Variants in TMCC1 observed in about 807,000 individuals in gnomAD.
The protein encoded by TMCC1 is transmembrane and coiled-coil domains protein 1.
Under a neutral mutation model 52.4 loss-of-function variants are expected in TMCC1, and 15 were observed. The ratio of observed to expected loss-of-function variants is 0.29; its 90% CI spans 0.19 to 0.44. The LOEUF is 0.44. TMCC1 is among the 20% of genes least tolerant of loss of function. The probability of loss-of-function intolerance (pLI) is 1.00; values close to 1 mark genes in which losing one functional copy is unlikely to be tolerated. For synonymous variants in TMCC1, 279 were observed against 301.9 expected, an observed-to-expected ratio of 0.92 and a Z score of 0.79; for missense variants, 503 against 806.0, an observed-to-expected ratio of 0.62 and a Z score of 4.55.
At chr3:129,892,527 ATTTTTTT>A (rs548180033) in intron 1 of TMCC1, 2 of 147,902 alleles carry the variant, frequency 1.4e-5, no homozygotes, top group Non-Finnish European at 3.0e-5. Flanking sequence ...TATGCCCTGG[ATTTTTTT>A]TTTTTAAGAA....
At chr3:129,664,384 T>C (rs1030626159) in intron 5 of TMCC1, among the ~76,000 whole-genome samples, 2 of 152,226 alleles carry the variant, frequency 1.3e-5, no homozygotes, top group South Asian at 2.1e-4. Context: ...TTTGTTTAGT[T>C]AGAACTCTAA....
At chr3:129,840,728 G>T (rs1257232615) in intron 2 of TMCC1, among the ~76,000 whole-genome samples, 1 of 152,188 alleles carries the variant, frequency 6.6e-6, no homozygotes, top group Non-Finnish European at 1.5e-5. Flanking sequence ...TGCCATGTAA[G>T]ACATGCCTTT....
At chr3:129,885,214 G>C (rs867331836) in intron 1 of TMCC1, among the ~76,000 whole-genome samples, 7 of 152,026 alleles carry the variant, frequency 4.6e-5, no homozygotes, top group Non-Finnish European at 7.4e-5. Flanking sequence ...ACAACAATAG[G>C]TTTCAATGAA....
chr3:129,805,870 T>C (rs2057432256), intron 4 of TMCC1, among the ~76,000 whole-genome samples: 1 of 152,010 alleles, frequency 6.6e-6, no homozygotes, highest in African/African-American at 2.4e-5. Flanking sequence ...AGTTTAAGAC[T>C]GTAGTGAGCT....
chr3:129,796,748 G>A (rs1265824036), intron 4 of TMCC1, among the ~76,000 whole-genome samples: 1 of 152,196 alleles, frequency 6.6e-6, no homozygotes, highest in African/African-American at 2.4e-5. Flanking sequence ...GACTGAGGTG[G>A]CAGGATTGCC....
chr3:129,828,061 C>T lies in TMCC1; in HGVS notation c.318G>A (p.Leu106=), dbSNP rs2058735336. ...PTHPTALNRV[L]QQIRVPPKMK... is the part of the protein sequence containing the mutation. ...TCTTGGGTGGCACTCGAATCTGCTG[C>T]AGGACACGATTCAGAGCTGTGGGGT... is the stretch of plus-strand genomic sequence containing the variant. The change falls in exon 4 of 7, where the codon CTG becomes CTA. Residue 106 remains leucine, a synonymous_variant. Transcript: ENST00000393238. This position sits in a 1 kb window ranked among gnomAD's most constrained non-coding sequence, Gnocchi z 4.1. 3.7e-6 allele frequency: 6 copies of T among 1,614,140 alleles called. No individual in the cohort carries two copies. Among genetic ancestry groups the T allele is most frequent in the Non-Finnish European group, 5.1e-6 (6 of 1,180,024 alleles).
chr3:129,808,482 A>AAAT (rs556320460), intron 4 of TMCC1, among the ~76,000 whole-genome samples: 3,140 of 150,938 alleles, frequency 0.021, 85 homozygotes, highest in African/African-American at 0.069. Flanking sequence ...ACTCCATCTC[A>AAAT]AATAATAATA....
intron 4 of TMCC1, among the ~76,000 whole-genome samples, chr3:129,772,106 C>T (rs750280972): frequency 3.9e-5 from 6 of 152,158 alleles, no homozygotes; most frequent in African/African-American, 7.2e-5. Context: ...CACCTGTAAT[C>T]CCACCACTTT....
At chr3:129,737,542 C>T (rs1318243882) in intron 4 of TMCC1, among the ~76,000 whole-genome samples, 1 of 151,968 alleles carries the variant, frequency 6.6e-6, no homozygotes, top group Admixed American at 6.6e-5. Flanking sequence ...GATGATGCAG[C>T]AAGAAGGTGA....
intron 4 of TMCC1, among the ~76,000 whole-genome samples, chr3:129,796,235 T>C (rs2056811288): frequency 6.6e-6 from 1 of 152,170 alleles, no homozygotes; most frequent in South Asian, 2.1e-4. Flanking sequence ...GCTATATAGG[T>C]TTGTAGCCTA....
intron 6 of TMCC1, among the ~76,000 whole-genome samples, chr3:129,654,471 A>G (rs2086547839): frequency 6.6e-6 from 1 of 152,198 alleles, no homozygotes; most frequent in South Asian, 2.1e-4. Flanking sequence ...CTCCATATAG[A>G]AATAAGAAAA....
chr3:129,651,537 T>C lies in TMCC1; in HGVS notation c.1906A>G (p.Lys636Glu). 2 of 1,614,154 alleles carry C rather than the reference T, an allele frequency of 1.2e-6. No individual in the cohort carries two copies. Among genetic ancestry groups the C allele is most frequent in the Non-Finnish European group, 1.7e-6 (2 of 1,180,022 alleles). The part of the protein sequence containing the change: ...FLVVFIAFLW[K>E]HWDALFSYVE... ...TAGCTGAAGAGGGCGTCCCAGTGCT[T>C]CCAGAGAAAGGCAATAAAAACCACA... The change falls in exon 7 of 7, where the codon AAG (lysine) becomes GAG (glutamate). Residue 636 changes from lysine (K) to glutamate (E), a missense_variant. Physicochemically the swap from Lys to Glu is moderately conservative, Grantham distance 56. Around this residue, in one of 7 missense-constraint regions of TMCC1, gnomAD observed 50 missense variants for 62.6 expected, o/e 0.80. Transcript: ENST00000393238. The surrounding 1 kb of genome is among the most constrained non-coding windows in gnomAD (Gnocchi z 5.1).
chr3:129,848,065 G>A (rs1372827282), intron 2 of TMCC1: 2 of 152,002 alleles, frequency 1.3e-5, no homozygotes, highest in East Asian at 1.9e-4. Context: ...CACATCCTCT[G>A]TCAGACACAC....
At chr3:129,683,262 TACCTTGTAC>T (rs1346901077) in intron 4 of TMCC1, among the ~76,000 whole-genome samples, 4 of 152,274 alleles carry the variant, frequency 2.6e-5, no homozygotes, top group Non-Finnish European at 4.4e-5. Flanking sequence ...TTTTCCATTC[TACCTTGTAC>T]ACCACTGGTC....
chr3:129,830,204 T>C (rs2058844004), intron 3 of TMCC1, among the ~76,000 whole-genome samples: 1 of 152,214 alleles, frequency 6.6e-6, no homozygotes, highest in African/African-American at 2.4e-5. Flanking sequence ...TTTGTTCATA[T>C]CTTTCCCTTT....
chr3:129,888,466 G>A (rs1270112720), intron 1 of TMCC1, among the ~76,000 whole-genome samples: 4 of 152,070 alleles, frequency 2.6e-5, no homozygotes, highest in African/African-American at 9.7e-5. Flanking sequence ...TCAATAAAAG[G>A]TACCAGGGCT....
At chr3:129,760,551 C>G (rs978475837) in intron 4 of TMCC1, among the ~76,000 whole-genome samples, 1 of 151,636 alleles carries the variant, frequency 6.6e-6, no homozygotes, top group African/African-American at 2.4e-5. Flanking sequence ...GATCTCCGCT[C>G]ACTACAAGCT....
chr3:129,753,407 T>C (rs138427695), intron 4 of TMCC1, among the ~76,000 whole-genome samples: 321 of 152,340 alleles, frequency 2.1e-3, no homozygotes, highest in African/African-American at 7.1e-3. Flanking sequence ...AAGTTAATTA[T>C]GTATTGTTTT....
At chr3:129,825,115 C>T (rs1412218579) in intron 4 of TMCC1, among the ~76,000 whole-genome samples, 1 of 152,216 alleles carries the variant, frequency 6.6e-6, no homozygotes, top group African/African-American at 2.4e-5. Flanking sequence ...ACCTACCAAT[C>T]CTCACCTAGG....
Sources: allele counts gnomAD v4.1 joint callset (sites outside exome capture counted in the v4.1 genomes callset), GRCh38; gene constraint gnomAD v4.1.1; regional missense constraint gnomAD v4.1.1; non-coding constraint Gnocchi (gnomAD v3.1); transcripts MANE v1.5; gene names NCBI Gene and HGNC (gene_info 2026-07-23, HGNC 2026-07-21).